The following BCL2L14 variants were observed in gnomAD, a reference collection of about 807,000 sequenced individuals.
BCL2L14 encodes the protein BCL2 like 14, also known as apoptosis facilitator Bcl-2-like protein 14.
Under a neutral mutation model 35.3 loss-of-function variants are expected in BCL2L14, and 27 were observed. The observed-to-expected ratio is 0.76, with a 90% CI of 0.56 to 1.05. The LOEUF (loss-of-function observed/expected upper bound fraction) is 1.05, where lower values mean the gene tolerates loss of function less well. Among genes scored for constraint, BCL2L14 ranks in the 50% least tolerant of loss-of-function variants. The pLI is 0.00. For missense variants in BCL2L14, 377 were observed against 382.6 expected, an observed-to-expected ratio of 0.99 and a Z score of 0.12; for synonymous variants, 139 against 145.9, an observed-to-expected ratio of 0.95 and a Z score of 0.34.
chr12:12,069,119 T>C (rs1948627244), upstream of BCL2L14, among the ~76,000 whole-genome samples: 2 of 152,212 alleles, frequency 1.3e-5, no homozygotes, highest in Admixed American at 1.3e-4. Flanking sequence ...CGGAGGTTGC[T>C]TTCATCGCAT....
intron 5 of BCL2L14, among the ~76,000 whole-genome samples, chr12:12,097,132 G>C (rs560189499): frequency 6.6e-6 from 1 of 151,968 alleles, no homozygotes; most frequent in East Asian, 1.9e-4. Context: ...GAGAGAGAGC[G>C]AGACTCTGTC....
rs541165663 is a variant in BCL2L14 at position 12,058,204 on chromosome 12, G to A, written c.-272+6357G>A. ...TGACCTCAGGTGATCTGCCCGCCTC[G>A]GCCTCCCAAAGTGCTGGGATTACAG... is the stretch of plus-strand genomic sequence containing the variant. On this transcript the variant is annotated intron_variant, in intron 2 of 3. Coordinates refer to the BCL2L14 transcript ENST00000461264. Among the ~76,000 whole-genome samples, 9 of 150,318 alleles carry A rather than the reference G, an allele frequency of 6.0e-5. 1 individual carries two copies. In the South Asian group the frequency reaches 1.3e-3, roughly 21 times the overall value.
Position 12,079,503 on chromosome 12 carries a change from A to G in BCL2L14, c.198A>G (p.Ser66=). ...RGLGNCSANE[S]WTEVSWPCRN... ...TGGGGAATTGTTCAGCAAATGAGTC[A>G]TGGACAGAGGTGTCATGGCCTTGCA... Residue 66 remains serine (S), a synonymous_variant, in exon 2 of 6, where the codon TCA becomes TCG. Transcript: ENST00000308721. 1 of 1,614,256 alleles carries G rather than the reference A, an allele frequency of 6.2e-7. No homozygotes were observed. Among genetic ancestry groups the G allele is most frequent in the Non-Finnish European group, 8.5e-7 (1 of 1,180,046 alleles).
At chr12:12,073,113 G>A (rs1473510334) in intron 1 of BCL2L14, among the ~76,000 whole-genome samples, 5 of 152,126 alleles carry the variant, frequency 3.3e-5, no homozygotes, top group East Asian at 1.9e-4. Flanking sequence ...GGGCTTAAGC[G>A]ATCCTGCTCC....
chr12:12,090,078 G>A (rs1354478314), intron 3 of BCL2L14, among the ~76,000 whole-genome samples: 1 of 152,084 alleles, frequency 6.6e-6, no homozygotes, highest in Non-Finnish European at 1.5e-5. Context: ...TAAGATAAAA[G>A]CACCATCTGC....
intron 2 of BCL2L14, among the ~76,000 whole-genome samples, chr12:12,062,833 C>T (rs2909006): frequency 0.82 from 124,016 of 152,050 alleles, 50,661 homozygotes; most frequent in East Asian, 0.92. Flanking sequence ...GTTTTTCAGG[C>T]TCTTAGTATT....
intron 1 of BCL2L14, among the ~76,000 whole-genome samples, chr12:12,072,865 T>A (rs1188411853): frequency 1.4e-5 from 2 of 142,398 alleles, no homozygotes; most frequent in Non-Finnish European, 3.1e-5. Flanking sequence ...ACTCTGTGTT[T>A]GTGTGGGTGG....
At chr12:12,093,684 T>G (rs1351550023) in intron 4 of BCL2L14, among the ~76,000 whole-genome samples, 1 of 151,140 alleles carries the variant, frequency 6.6e-6, no homozygotes, top group Non-Finnish European at 1.5e-5. Context: ...TCCCAGCTAC[T>G]TGGGAGGCTG....
Position 12,099,259 on chromosome 12 carries a change from A to T in BCL2L14, c.*271A>T. Reference sequence around the variant, plus strand: ...TAAAGATAAGTGGTGATGTTGTTTCAAACGTTCAGAACAGATACCATCATC... The same window carrying T: ...TAAAGATAAGTGGTGATGTTGTTTCTAACGTTCAGAACAGATACCATCATC... On this transcript the variant is annotated 3_prime_UTR_variant, in exon 6 of 6. Transcript: ENST00000308721. 2.2e-6 allele frequency: 1 copy of T among 457,156 alleles called. No individual in the cohort carries two copies. Among genetic ancestry groups the T allele is most frequent in the African/African-American group, 2.0e-5 (1 of 50,618 alleles). The allele number at this position is 457,156 out of a possible 1,614,324, so 28.3% of individuals were successfully genotyped here. A position where few individuals can be genotyped will look rare whatever the true frequency, so the allele number is the denominator to read the frequency against.
rs558380569 is a variant in BCL2L14 at position 12,073,600 on chromosome 12, G to GCA, written c.-8+2464_-8+2465insAC. 5.7e-3 allele frequency among the ~76,000 whole-genome samples: 824 copies of GCA among 144,012 alleles called. 2 individuals carry two copies. The highest frequency in any genetic ancestry group is 0.018 in the Middle Eastern group (5 of 280). The allele number at this position is 144,012 out of a possible 152,430, so 94.5% of individuals were successfully genotyped here. On this transcript the variant is annotated intron_variant, in intron 1 of 5. Coordinates refer to ENST00000308721, the MANE Select transcript of BCL2L14 (RefSeq NM_138723.2). ...CACGCACACACAAACATGCATGCAC[G>GCA]CGCACACACACACACAATTTTAAAG...
At chr12:12,067,065 T>TGA (rs1180649103), upstream of BCL2L14, among the ~76,000 whole-genome samples, 3 of 151,486 alleles carry the variant, frequency 2.0e-5, no homozygotes, top group Non-Finnish European at 4.4e-5. Context: ...TGATTTGATT[T>TGA]TTATTTTGAT....
At chr12:12,094,435 CTGTT>C in intron 4 of BCL2L14, 2 of 1,274,722 alleles carry the variant, frequency 1.6e-6, no homozygotes, top group Non-Finnish European at 2.3e-6. Flanking sequence ...AATGAACTGA[CTGTT>C]CCATTTTATA....
chr12:12,061,762 A>T (rs1948529348), intron 2 of BCL2L14, among the ~76,000 whole-genome samples: 1 of 152,178 alleles, frequency 6.6e-6, no homozygotes, highest in Non-Finnish European at 1.5e-5. Context: ...GGCTTCACAG[A>T]CAGCCCCCAT....
chr12:12,050,973 T>C (rs1179537477), intron 1 of BCL2L14, among the ~76,000 whole-genome samples: 1 of 152,144 alleles, frequency 6.6e-6, no homozygotes, highest in Non-Finnish European at 1.5e-5. Flanking sequence ...TTGGCGGAAG[T>C]GCTCGATAAG....
chr12:12,097,374 G>T (rs1949338302), intron 5 of BCL2L14, among the ~76,000 whole-genome samples: 1 of 152,128 alleles, frequency 6.6e-6, no homozygotes, highest in Non-Finnish European at 1.5e-5. Flanking sequence ...TAAAAATAAA[G>T]CAAGTATTGA....
At chr12:12,066,272 T>A (rs949274943), upstream of BCL2L14, among the ~76,000 whole-genome samples, 9 of 152,198 alleles carry the variant, frequency 5.9e-5, no homozygotes, top group African/African-American at 2.2e-4. Context: ...CAGCCTTTTA[T>A]TGCTCCATTC....
intron 1 of BCL2L14, among the ~76,000 whole-genome samples, chr12:12,074,743 T>A (rs1346713846): frequency 1.3e-5 from 2 of 152,154 alleles, no homozygotes; most frequent in African/African-American, 4.8e-5. Context: ...CCAGCCCAGA[T>A]ATGTACTTTT....
rs1022708705 is a variant in BCL2L14, at chr12:12,081,706, G to A, written c.433+1968G>A. Reference sequence around the variant, plus strand: ...CCTGAGTAGCTGGGATCACAGGCGCGCACCACCAGGCCTGGCTAATTTTTG... The same window carrying A: ...CCTGAGTAGCTGGGATCACAGGCGCACACCACCAGGCCTGGCTAATTTTTG... On this transcript the variant is annotated intron_variant, in intron 2 of 5. Coordinates refer to ENST00000308721, the MANE Select transcript of BCL2L14 (RefSeq NM_138723.2). Among the ~76,000 whole-genome samples the A allele has an allele frequency of 5.3e-5, 8 of 151,950 alleles. No individual in the cohort carries two copies. In the South Asian group the frequency reaches 1.3e-3, roughly 24 times the overall value.
chr12:12,060,861 C>T (rs1248923369), intron 2 of BCL2L14, among the ~76,000 whole-genome samples: 2 of 123,342 alleles, frequency 1.6e-5, no homozygotes, highest in Non-Finnish European at 3.4e-5. Flanking sequence ...TGAAGACTGA[C>T]GCTGCCCGAT....
Sources: gnomAD v4.1 joint callset for allele counts (sites outside exome capture counted in the v4.1 genomes callset) on GRCh38, gnomAD v4.1.1 for gene constraint, MANE v1.5 for transcripts, NCBI Gene and HGNC (gene_info 2026-07-23, HGNC 2026-07-21) for gene names.